AAK1: variants seen among roughly 807,000 people sequenced by gnomAD.
AAK1 encodes AP2 associated kinase 1, also known as AP2-associated protein kinase 1.
Under a neutral mutation model 116.0 loss-of-function variants are expected in AAK1, and 37 were observed. That is an observed-to-expected ratio of 0.32 (90% CI 0.25 to 0.42). The LOEUF is 0.42. Among genes scored for constraint, AAK1 ranks in the 10% least tolerant of loss-of-function variants. The pLI, the probability that AAK1 is intolerant of heterozygous loss-of-function variation, is 1.00. For synonymous variants in AAK1, 458 were observed against 439.9 expected (o/e 1.04, Z -0.51); for missense variants, 919 against 1,170.6 (o/e 0.79, Z 3.14).
At chr2:69,638,622 A>C (rs2105272251) in intron 2 of AAK1, among the ~76,000 whole-genome samples, 1 of 152,300 alleles carries the variant, frequency 6.6e-6, no homozygotes, top group Non-Finnish European at 1.5e-5. Context: ...GTACTGATGA[A>C]AATGGTAACA....
In AAK1 at chr2:69,468,169, G is replaced by A; in HGVS notation, c.*7700C>T. 1 of 985,358 alleles carries A rather than the reference G, an allele frequency of 1.0e-6. No homozygotes were observed. The highest frequency in any genetic ancestry group is 1.2e-6 in the Non-Finnish European group (1 of 829,892). 61.0% of individuals were successfully genotyped at this position (985,358 alleles called of 1,614,324 possible). ...TAATTTTAGTATGTGCAGCTACATG[G>A]TGATACGAAAGCATCAGTCAGTGGA... is the stretch of plus-strand genomic sequence containing the variant. On this transcript the variant is annotated 3_prime_UTR_variant, in exon 22 of 22. Coordinates refer to ENST00000409085, the MANE Select transcript of AAK1 (RefSeq NM_014911.5).
At chr2:69,617,214 G>A (rs1674372933) in intron 2 of AAK1, among the ~76,000 whole-genome samples, 1 of 152,140 alleles carries the variant, frequency 6.6e-6, no homozygotes. Context: ...GAAATGAAAG[G>A]TTGAAAGCCC....
rs1438341460 is a variant in AAK1 at position 69,492,033 on chromosome 2, AC to A, written c.2365+3951del. Among the ~76,000 whole-genome samples, 9 of 152,248 alleles carry A rather than the reference AC, an allele frequency of 5.9e-5. No individual in the cohort carries two copies. The East Asian group carries it at 1.2e-3, about 20-fold the overall frequency. On this transcript the variant is annotated intron_variant, in intron 17 of 21. Transcript: ENST00000409085. ...GAATGTGTGGCTGAGCACAGTCCAA[AC>A]AACACTAAGGACTCACTTCCTCACC...
At chr2:69,582,957 C>T (rs540463528) in intron 2 of AAK1, among the ~76,000 whole-genome samples, 1 of 152,264 alleles carries the variant, frequency 6.6e-6, no homozygotes, top group East Asian at 1.9e-4. Context: ...TTACACCCAC[C>T]GTGATCATAT....
At chr2:69,564,841 C>T (rs915203378) in intron 2 of AAK1, among the ~76,000 whole-genome samples, 1 of 152,120 alleles carries the variant, frequency 6.6e-6, no homozygotes, top group Non-Finnish European at 1.5e-5. Context: ...CAATATCCTC[C>T]CCACCCCCAC....
At chr2:69,557,015 T>A in intron 2 of AAK1, 37 bp from the exon 3 acceptor site, 1 of 1,534,296 alleles carries the variant, frequency 6.5e-7, no homozygotes, top group Non-Finnish European at 9.0e-7. Flanking sequence ...TTTGAGTCAA[T>A]GTTCAAAAAG....
intron 2 of AAK1, among the ~76,000 whole-genome samples, chr2:69,632,445 A>G (rs1372053790): frequency 6.6e-6 from 1 of 152,230 alleles, no homozygotes; most frequent in Non-Finnish European, 1.5e-5. Flanking sequence ...GCCCTCCACA[A>G]CAAAGAGTTA....
chr2:69,497,870 G>A (rs987149905), intron 16 of AAK1, among the ~76,000 whole-genome samples: 5 of 152,018 alleles, frequency 3.3e-5, no homozygotes, highest in African/African-American at 9.7e-5. Context: ...ACAGTACCGC[G>A]GCCCTAGGCT....
intron 2 of AAK1, among the ~76,000 whole-genome samples, chr2:69,559,104 T>G (rs1168660835): frequency 1.3e-5 from 2 of 152,194 alleles, no homozygotes; most frequent in Non-Finnish European, 2.9e-5. Flanking sequence ...GTTTGCATAT[T>G]TCCTGTTACA....
chr2:69,578,741 A>G (rs1015243035), intron 2 of AAK1, among the ~76,000 whole-genome samples: 10 of 150,888 alleles, frequency 6.6e-5, no homozygotes, highest in Non-Finnish European at 1.5e-4. Context: ...CCTTTCTCCC[A>G]CCAGTGTTTA....
In AAK1 at chr2:69,574,377, CAAAAAAA is replaced by C. The variant is rs58486434; in HGVS notation, c.164-17406_164-17400del. ...TAGGTGACAGAGTAAGACTCCCTCT[CAAAAAAA>C]AAAAAAAAAAAAAAAGAGAAGAGAA... On this transcript the variant is annotated intron_variant, in intron 2 of 21. Transcript: ENST00000409085. 2.5e-3 allele frequency among the ~76,000 whole-genome samples: 185 copies of C among 74,898 alleles called. 4 individuals carry two copies. Among genetic ancestry groups the C allele is most frequent in the Non-Finnish European group, 3.9e-3 (146 of 37,372 alleles). 49.1% of individuals were successfully genotyped at this position (74,898 alleles called of 152,430 possible).
rs1285918990 is a variant in AAK1 at position 69,574,631 on chromosome 2, G to C, written c.164-17653C>G. Among the ~76,000 whole-genome samples, 3 of 151,516 alleles carry C rather than the reference G, an allele frequency of 2.0e-5. No individual in the cohort carries two copies. In the East Asian group the frequency reaches 5.8e-4, roughly 30 times the overall value. ...GAGATATTTGGCTTAAAAAAAAATAGTTTGTTTATACGAAAGAACATTCTA... is the reference window on the plus strand; with the variant it reads ...GAGATATTTGGCTTAAAAAAAAATACTTTGTTTATACGAAAGAACATTCTA... On this transcript the variant is annotated intron_variant, in intron 2 of 21. Coordinates refer to ENST00000409085, the MANE Select transcript of AAK1 (RefSeq NM_014911.5).
At chr2:69,554,442 G>T (rs575019165) in intron 3 of AAK1, among the ~76,000 whole-genome samples, 1 of 152,280 alleles carries the variant, frequency 6.6e-6, no homozygotes, top group African/African-American at 2.4e-5. Context: ...GAAAGGCATA[G>T]GAATCATAGT....
rs183914270 is a variant in AAK1, at chr2:69,461,883, C to T, written c.*13986G>A. The T allele has an allele frequency of 9.4e-4, 172 of 183,302 alleles. No homozygotes were observed. Among genetic ancestry groups the T allele is most frequent in the East Asian group, 3.9e-3 (21 of 5,374 alleles). 11.4% of individuals were successfully genotyped at this position (183,302 alleles called of 1,614,324 possible). On this transcript the variant is annotated 3_prime_UTR_variant, in exon 22 of 22. Coordinates refer to ENST00000409085, the MANE Select transcript of AAK1 (RefSeq NM_014911.5). ...CTGGGATTACAAGCGTGAGCCACCG[C>T]GCCTGGCCTCCAGTGAAAAATTTAA... is the stretch of plus-strand genomic sequence containing the variant.
At chr2:69,636,044 C>A (rs773841449) in intron 2 of AAK1, among the ~76,000 whole-genome samples, 35 of 152,302 alleles carry the variant, frequency 2.3e-4, no homozygotes, top group Non-Finnish European at 4.7e-4. Context: ...AATGTTCAGT[C>A]ACATGTCCAC....
intron 16 of AAK1, 72 bp from the exon 17 acceptor site, chr2:69,496,152 C>A: frequency 9.0e-7 from 1 of 1,112,382 alleles, no homozygotes; most frequent in Non-Finnish European, 1.3e-6. Context: ...CCAAGTAAAT[C>A]TAGGTAAGTT....
At chr2:69,563,050 C>A (rs964806597) in intron 2 of AAK1, among the ~76,000 whole-genome samples, 1 of 152,066 alleles carries the variant, frequency 6.6e-6, no homozygotes, top group African/African-American at 2.4e-5. Context: ...AGCAACAGAG[C>A]GAGACCCTCC....
intron 2 of AAK1, among the ~76,000 whole-genome samples, chr2:69,589,094 A>G (rs1444694457): frequency 1.3e-5 from 2 of 152,218 alleles, no homozygotes; most frequent in Non-Finnish European, 2.9e-5. Flanking sequence ...TAAAGATCAA[A>G]GTTCAGGTGA....
At chr2:69,545,787 G>A (rs1479076098) in intron 3 of AAK1, among the ~76,000 whole-genome samples, 1 of 152,188 alleles carries the variant, frequency 6.6e-6, no homozygotes, top group Non-Finnish European at 1.5e-5. Flanking sequence ...AGTCACTGGA[G>A]ACTTACGTGA....
Sources: allele counts gnomAD v4.1 joint callset (sites outside exome capture counted in the v4.1 genomes callset), GRCh38; gene constraint gnomAD v4.1.1; transcripts MANE v1.5; gene names NCBI Gene and HGNC (gene_info 2026-07-23, HGNC 2026-07-21).